MYLK: variants seen among roughly 807,000 people sequenced by gnomAD.
MYLK encodes the protein myosin light chain kinase, smooth muscle.
A neutral mutation model predicts 203.4 loss-of-function variants in MYLK; 106 were observed. The observed-to-expected ratio is 0.52, with a 90% CI of 0.45 to 0.61. MYLK has a LOEUF of 0.61. Among genes scored for constraint, MYLK ranks in the 20% least tolerant of loss-of-function variants. The pLI is 0.00. For missense variants in MYLK, 2,072 were observed against 2,442.3 expected, an observed-to-expected ratio of 0.85 and a Z score of 3.20; for synonymous variants, 867 against 959.5, an observed-to-expected ratio of 0.90 and a Z score of 1.78.
At chr3:123,646,393 T>A (rs1004604838) in intron 27 of MYLK, among the ~76,000 whole-genome samples, 8 of 152,248 alleles carry the variant, frequency 5.3e-5, no homozygotes, top group African/African-American at 1.2e-4. Flanking sequence ...TATTTCCTAA[T>A]ATTTTTTGAG....
chr3:123,700,293 G>C lies in MYLK; in HGVS notation c.3175C>G (p.Leu1059Val). 6.2e-7 allele frequency: 1 copy of C among 1,614,036 alleles called. No homozygotes were observed. Among genetic ancestry groups the C allele is most frequent in the Non-Finnish European group, 8.5e-7 (1 of 1,179,992 alleles). The change falls in exon 18 of 34, where the codon CTG becomes GTG. Residue 1059 changes from leucine (L) to valine (V), a missense_variant. Leu to Val is a conservative substitution (Grantham distance 32). Coordinates refer to ENST00000360304, the MANE Select transcript of MYLK (RefSeq NM_053025.4). ...PMGNAKPDEN[L>V]KSASKEELKK... The stretch of plus-strand genomic sequence containing the variant: ...AGTTCTTCTTTGCTAGCGGATTTCA[G>C]GTTCTCATCAGGCTTGGCATTGCCC...
At position 123,649,006 on chromosome 3, in the gene MYLK, T is replaced by C. The variant is rs765732823; in HGVS notation, c.4380A>G (p.Val1460=). ...TCTCCTCAATGTCGTAGAAGTCAGATACTTTTTGTTCAGTATTGATTGTCA... is the reference window on the plus strand; with the variant it reads ...TCTCCTCAATGTCGTAGAAGTCAGACACTTTTTGTTCAGTATTGATTGTCA... ...RTVTINTEQK[V]SDFYDIEERL... The change falls in exon 26 of 34, where the codon GTA becomes GTG. Residue 1460 remains valine (V), a synonymous_variant. Coordinates refer to ENST00000360304, the MANE Select transcript of MYLK (RefSeq NM_053025.4). 4 of 1,614,196 alleles carry C rather than the reference T, an allele frequency of 2.5e-6. No individual in the cohort carries two copies. In the South Asian group the frequency reaches 3.3e-5, roughly 13 times the overall value.
chr3:123,711,606 C>A (rs113784873), intron 13 of MYLK, among the ~76,000 whole-genome samples: 2,766 of 152,314 alleles, frequency 0.018, 96 homozygotes, highest in African/African-American at 0.062. Flanking sequence ...GCAGGACAAG[C>A]CATGGCTGCC....
At chr3:123,761,613 C>CA (rs1342200222) in intron 4 of MYLK, among the ~76,000 whole-genome samples, 2 of 152,112 alleles carry the variant, frequency 1.3e-5, no homozygotes, top group Admixed American at 6.5e-5. Context: ...CCAAGCTGCC[C>CA]AAAGGCATCA....
chr3:123,681,981 A>G, intron 20 of MYLK: 3 of 574,730 alleles, frequency 5.2e-6, no homozygotes, highest in Non-Finnish European at 9.5e-6. Flanking sequence ...AGCTCAGATG[A>G]GATGTGCAAC....
chr3:123,714,856 G>A (rs141201851), intron 13 of MYLK, among the ~76,000 whole-genome samples: 52 of 152,302 alleles, frequency 3.4e-4, no homozygotes, highest in African/African-American at 9.6e-4. Flanking sequence ...TCGGGCTGTC[G>A]TCCAATGGGA....
At chr3:123,694,747 T>C (rs1373838327) in intron 18 of MYLK, among the ~76,000 whole-genome samples, 1 of 152,214 alleles carries the variant, frequency 6.6e-6, no homozygotes, top group Non-Finnish European at 1.5e-5. Flanking sequence ...GGGCAAGGCA[T>C]GGGGCAGGCA....
At chr3:123,756,548 C>T (rs1260264288) in intron 4 of MYLK, among the ~76,000 whole-genome samples, 2 of 152,146 alleles carry the variant, frequency 1.3e-5, no homozygotes, top group Non-Finnish European at 2.9e-5. Context: ...AAGGTTCCTC[C>T]CATCTCTGAA....
intron 23 of MYLK, among the ~76,000 whole-genome samples, chr3:123,662,106 C>T (rs1437117270): frequency 6.6e-6 from 1 of 152,194 alleles, no homozygotes; most frequent in Non-Finnish European, 1.5e-5. Context: ...GCACAGACAT[C>T]AACAACTCTC....
At chr3:123,844,105 A>G (rs1452096976) in intron 2 of MYLK, among the ~76,000 whole-genome samples, 2 of 152,124 alleles carry the variant, frequency 1.3e-5, no homozygotes, top group African/African-American at 2.4e-5. Flanking sequence ...TATCTCGACC[A>G]AGCTCTGAGG....
intron 28 of MYLK, chr3:123,638,818 C>T (rs1317671727): frequency 1.4e-5 from 14 of 985,328 alleles, no homozygotes; most frequent in African/African-American, 3.5e-5. Context: ...GGAGAGGCTT[C>T]AACCCCAGGG....
chr3:123,881,327 C>A (rs1369585589), intron 1 of MYLK, among the ~76,000 whole-genome samples: 1 of 152,166 alleles, frequency 6.6e-6, no homozygotes, highest in Non-Finnish European at 1.5e-5. Flanking sequence ...AATGGCCCTG[C>A]CTCATGTCCT....
rs1041389067 is a variant in MYLK at position 123,629,391 on chromosome 3, C to T, written c.5114+83G>A. On this transcript the variant is annotated intron_variant, in intron 30 of 33. Transcript: ENST00000360304. This position sits in a 1 kb window ranked among gnomAD's most constrained non-coding sequence, Gnocchi z 4.4. ...CAAGGCGGGGTGGCAAGGAGGGCAC[C>T]CCAACAGGCAAAGGAATCCCCCTTT... is the stretch of plus-strand genomic sequence containing the variant. The T allele has an allele frequency of 4.5e-6, 7 of 1,569,840 alleles. No homozygotes were observed. The African/African-American group carries it at 8.1e-5, about 18-fold the overall frequency.
At chr3:123,647,573 GT>G (rs1168319456) in intron 26 of MYLK, 146 bp from the exon 27 acceptor site, 1 of 731,330 alleles carries the variant, frequency 1.4e-6, no homozygotes, top group Non-Finnish European at 2.4e-6. Flanking sequence ...CTGCCTGGCT[GT>G]TTGCATGTTG....
At chr3:123,857,067 C>T (rs565595853) in intron 2 of MYLK, among the ~76,000 whole-genome samples, 3,076 of 152,218 alleles carry the variant, frequency 0.02, 112 homozygotes, top group African/African-American at 0.069. Context: ...CACTGGCCAT[C>T]AGAGAAATGC....
At chr3:123,813,847 G>A (rs183840921) in intron 3 of MYLK, among the ~76,000 whole-genome samples, 55 of 152,242 alleles carry the variant, frequency 3.6e-4, no homozygotes, top group African/African-American at 1.3e-3. Context: ...GCAACCAGCA[G>A]AGCAACTGTC....
intron 4 of MYLK, among the ~76,000 whole-genome samples, chr3:123,766,446 C>T (rs1167709457): frequency 6.6e-6 from 1 of 152,222 alleles, no homozygotes; most frequent in Non-Finnish European, 1.5e-5. Flanking sequence ...GGTGAGGGCT[C>T]CACAGAGGTG....
At chr3:123,715,858 C>T (rs2108694046) in intron 13 of MYLK, 1 of 152,346 alleles carries the variant, frequency 6.6e-6, no homozygotes, top group East Asian at 1.9e-4. Context: ...TACCTGCCAA[C>T]ATTTGCTGGT....
rs923944849 is a variant in MYLK at position 123,817,788 on chromosome 3, G to C, written c.-4+13760C>G. Reference sequence around the variant, plus strand: ...AGGAGCTGCAGAACTAACTCCTCCAGATCCTTAGGGTGGTCCTGGATTCTC... The same window carrying C: ...AGGAGCTGCAGAACTAACTCCTCCACATCCTTAGGGTGGTCCTGGATTCTC... On this transcript the variant is annotated intron_variant, in intron 3 of 33. Transcript: ENST00000360304. 3.9e-5 allele frequency among the ~76,000 whole-genome samples: 6 copies of C among 152,162 alleles called. No individual in the cohort carries two copies. In the South Asian group the frequency reaches 8.3e-4, roughly 21 times the overall value.
Sources: gnomAD v4.1 joint callset for allele counts (sites outside exome capture counted in the v4.1 genomes callset) on GRCh38, gnomAD v4.1.1 for gene constraint, Gnocchi (gnomAD v3.1) non-coding constraint, MANE v1.5 for transcripts, NCBI Gene and HGNC (gene_info 2026-07-23, HGNC 2026-07-21) for gene names.